ERBIN: variants seen among roughly 807,000 people sequenced by gnomAD.
ERBIN encodes the protein erbb2 interacting protein, also known as densin-180-like protein.
A neutral mutation model predicts 158.4 loss-of-function variants in ERBIN; 60 were observed. The ratio of observed to expected loss-of-function variants is 0.38; its 90% CI spans 0.31 to 0.47. The LOEUF (loss-of-function observed/expected upper bound fraction) is 0.47. Ranked by LOEUF, ERBIN falls within the 20% of genes least tolerant of loss-of-function variation. The pLI is 0.99. For missense variants in ERBIN, 1,610 were observed against 1,648.0 expected, an observed-to-expected ratio of 0.98 and a Z score of 0.40; for synonymous variants, 594 against 557.2, an observed-to-expected ratio of 1.07 and a Z score of -0.93.
At chr5:65,934,176 G>A (rs149823377) in intron 1 of ERBIN, among the ~76,000 whole-genome samples, 2,320 of 152,302 alleles carry the variant, frequency 0.015, 28 homozygotes, top group Non-Finnish European at 0.023. Context: ...GACTACAGGC[G>A]TGAGCCACCG....
At chr5:65,973,494 G>A (rs1749506388) in intron 1 of ERBIN, among the ~76,000 whole-genome samples, 1 of 151,202 alleles carries the variant, frequency 6.6e-6, no homozygotes, top group Admixed American at 6.6e-5. Flanking sequence ...TGTATGAAGA[G>A]GGACCGGAAG....
At chr5:66,059,614 C>G (rs1218210898) in intron 21 of ERBIN, among the ~76,000 whole-genome samples, 1 of 152,150 alleles carries the variant, frequency 6.6e-6, no homozygotes, top group African/African-American at 2.4e-5. Context: ...CTGTCTTGTG[C>G]CAGTTTTCAA....
At chr5:66,004,399 TGC>T (rs796580130) in intron 4 of ERBIN, among the ~76,000 whole-genome samples, 10 of 152,134 alleles carry the variant, frequency 6.6e-5, no homozygotes, top group African/African-American at 2.4e-4. Context: ...TGCGCGCGCG[TGC>T]GTGTGTGTAT....
chr5:65,962,439 G>T (rs1291029956), intron 1 of ERBIN, among the ~76,000 whole-genome samples: 1 of 152,030 alleles, frequency 6.6e-6, no homozygotes, highest in East Asian at 1.9e-4. Flanking sequence ...AAAACCAAAT[G>T]TTAGGACTTA....
intron 15 of ERBIN, among the ~76,000 whole-genome samples, chr5:66,039,147 C>A (rs1306689139): frequency 2.0e-5 from 3 of 151,864 alleles, no homozygotes; most frequent in Admixed American, 2.0e-4. Flanking sequence ...ATTCTTAGTA[C>A]ATAGAAACAC....
In ERBIN at chr5:66,038,409, A is replaced by G. The variant is rs1235568517; in HGVS notation, c.1233A>G (p.Lys411=). 3 of 1,612,126 alleles carry G rather than the reference A, an allele frequency of 1.9e-6. No individual in the cohort carries two copies. The highest frequency in any genetic ancestry group is 2.5e-6 in the Non-Finnish European group (3 of 1,178,778). Residue 411 remains lysine, a synonymous_variant, in exon 15 of 26, where the codon AAA becomes AAG. Coordinates refer to ENST00000284037, the MANE Select transcript of ERBIN (RefSeq NM_001253697.2). ...CCAAACCCCTGATACCTCTTCAAAA[A>G]GAAACTGATTCAGAGACCCAGAAAA... ...NQSKPLIPLQ[K]ETDSETQKMV... is the part of the protein sequence containing the mutation.
chr5:65,998,981 T>C (rs1470550106), intron 4 of ERBIN, among the ~76,000 whole-genome samples: 1 of 152,118 alleles, frequency 6.6e-6, no homozygotes, highest in Non-Finnish European at 1.5e-5. Flanking sequence ...CACCAGTTGT[T>C]AGCATTTTGT....
intron 21 of ERBIN, among the ~76,000 whole-genome samples, chr5:66,062,394 G>A (rs1288856135): frequency 4.6e-5 from 7 of 151,990 alleles, no homozygotes; most frequent in East Asian, 1.9e-4. Flanking sequence ...CAGCTCCATC[G>A]GGTCCTTTAA....
intron 15 of ERBIN, among the ~76,000 whole-genome samples, chr5:66,039,364 T>A (rs373833526): frequency 1.3e-5 from 2 of 151,926 alleles, no homozygotes; most frequent in South Asian, 4.1e-4. Context: ...ACGCTAGTAT[T>A]CTGTCCTCTC....
chr5:66,015,817 C>T (rs1465568707), intron 7 of ERBIN, among the ~76,000 whole-genome samples: 1 of 152,132 alleles, frequency 6.6e-6, no homozygotes, highest in African/African-American at 2.4e-5. Context: ...AGCATAAGAA[C>T]AGAGTGAGAC....
chr5:66,054,134 G>T lies in ERBIN; in HGVS notation c.2816G>T (p.Gly939Val). 14 of 1,614,028 alleles carry T rather than the reference G, an allele frequency of 8.7e-6. No individual in the cohort carries two copies. The highest frequency in any genetic ancestry group is 1.2e-5 in the Non-Finnish European group (14 of 1,180,012). ...GSSSSSDLIS[G>V]TKAIFKFDSN... ...TCCTCATCTTCTGATTTAATATCAG[G>T]AACAAAGGCAATTTTCAAGTTTGAT... Residue 939 changes from glycine to valine, a missense_variant, in exon 21 of 26, where the codon GGA becomes GTA. Physicochemically the swap from Gly to Val is moderately radical, Grantham distance 109. Transcript: ENST00000284037.
intron 1 of ERBIN, among the ~76,000 whole-genome samples, chr5:65,943,788 C>T (rs1745372098): frequency 6.6e-6 from 1 of 152,220 alleles, no homozygotes; most frequent in African/African-American, 2.4e-5. Flanking sequence ...CCCTTCACCA[C>T]TGTTCATCTC....
intron 17 of ERBIN, among the ~76,000 whole-genome samples, chr5:66,045,978 A>G (rs918593730): frequency 2.0e-5 from 3 of 152,186 alleles, no homozygotes; most frequent in African/African-American, 7.2e-5. Flanking sequence ...GTATCACAGA[A>G]ACAAAAGTTT....
chr5:66,006,013 A>G (rs556970737), intron 4 of ERBIN, among the ~76,000 whole-genome samples: 1 of 152,178 alleles, frequency 6.6e-6, no homozygotes, highest in South Asian at 2.1e-4. Context: ...TCAAGCTACC[A>G]ATGACTTTCT....
intron 4 of ERBIN, among the ~76,000 whole-genome samples, chr5:66,007,392 G>T (rs1196272875): frequency 6.9e-6 from 1 of 145,540 alleles, no homozygotes; most frequent in Non-Finnish European, 1.5e-5. Flanking sequence ...CCTGTCGTGG[G>T]GTTGGGGGAG....
chr5:66,014,068 A>T (rs1255655694), intron 6 of ERBIN, among the ~76,000 whole-genome samples: 1 of 152,206 alleles, frequency 6.6e-6, no homozygotes, highest in Non-Finnish European at 1.5e-5. Context: ...TTAAACAAAC[A>T]GATGAATGTA....
chr5:65,946,787 C>CTTTTTTTT (rs918837936), intron 1 of ERBIN, among the ~76,000 whole-genome samples: 3 of 134,452 alleles, frequency 2.2e-5, no homozygotes, highest in Non-Finnish European at 4.9e-5. Context: ...TTGGTTGTTA[C>CTTTTTTTT]TTTTTTTTTT....
chr5:66,025,355 T>C (rs1049908504), intron 10 of ERBIN, 125 bp from the exon 11 acceptor site: 18 of 742,868 alleles, frequency 2.4e-5, no homozygotes, highest in Non-Finnish European at 3.6e-5. Context: ...GGTATCTCTT[T>C]TAGATACGTT....
intron 2 of ERBIN, among the ~76,000 whole-genome samples, chr5:65,992,362 A>G (rs1236475404): frequency 6.6e-6 from 1 of 151,972 alleles, no homozygotes; most frequent in African/African-American, 2.4e-5. Flanking sequence ...GTTAGCCGGG[A>G]TGGTCTCATC....
Sources: gnomAD v4.1 joint callset for allele counts (sites outside exome capture counted in the v4.1 genomes callset) on GRCh38, gnomAD v4.1.1 for gene constraint, MANE v1.5 for transcripts, NCBI Gene and HGNC (gene_info 2026-07-23, HGNC 2026-07-21) for gene names.